Variants in RAPGEF4 observed in about 807,000 individuals in gnomAD.
RAPGEF4 encodes the protein Rap guanine nucleotide exchange factor 4.
A neutral mutation model predicts 147.9 loss-of-function variants in RAPGEF4; 66 were observed. The observed-to-expected ratio is 0.45, with a 90% CI of 0.37 to 0.55. The LOEUF (loss-of-function observed/expected upper bound fraction) is 0.55, where lower values mean the gene tolerates loss of function less well. Ranked by LOEUF, RAPGEF4 falls within the 20% of genes least tolerant of loss-of-function variation. The probability of loss-of-function intolerance (pLI) is 0.00; values close to 1 mark genes in which losing one functional copy is unlikely to be tolerated. For missense variants in RAPGEF4, 1,071 were observed against 1,257.3 expected (o/e 0.85, Z 2.24); for synonymous variants, 419 against 442.7 (o/e 0.95, Z 0.67).
In RAPGEF4 at chr2:173,002,621, C is replaced by CTTT. The variant is rs35905755; in HGVS notation, c.1658+1290_1658+1292dup. Among the ~76,000 whole-genome samples, 520 of 138,932 alleles carry CTTT rather than the reference C, an allele frequency of 3.7e-3. 13 individuals carry two copies. In the East Asian group the frequency reaches 0.064, roughly 17 times the overall value. The allele number at this position is 138,932 out of a possible 152,430, so 91.1% of individuals were successfully genotyped here. On this transcript the variant is annotated intron_variant, in intron 17 of 30. Coordinates refer to ENST00000397081, the MANE Select transcript of RAPGEF4 (RefSeq NM_007023.4). ...AAGGAGAATGACTCTTTTATTCTTT[C>CTTT]TTTTTTTTTTTTTTTAGGAATTCAG...
At chr2:173,034,870 C>G (rs895607744) in intron 27 of RAPGEF4, among the ~76,000 whole-genome samples, 1 of 92,640 alleles carries the variant, frequency 1.1e-5, no homozygotes, top group Non-Finnish European at 2.2e-5. Context: ...GCGACCCCGT[C>G]TCAACACACA....
At chr2:172,737,937 C>A (rs1693959508) in intron 1 of RAPGEF4, among the ~76,000 whole-genome samples, 1 of 152,128 alleles carries the variant, frequency 6.6e-6, no homozygotes, top group African/African-American at 2.4e-5. Flanking sequence ...CTGTGAGTGC[C>A]ATGTAGGCTT....
Position 172,955,212 on chromosome 2 carries a change from T to A in RAPGEF4, c.538-5548T>A, listed in dbSNP as rs139848570. ...TCGTGAGGCCTATTACAGTGCCTTA[T>A]ACCTCATTATAATCTACTGGGGAGT... On this transcript the variant is annotated intron_variant, in intron 6 of 30. Transcript: ENST00000397081. Among the ~76,000 whole-genome samples the A allele has an allele frequency of 1.3e-3, 195 of 152,360 alleles. 2 individuals carry two copies. The highest frequency in any genetic ancestry group is 0.01 in the Middle Eastern group (3 of 294).
At chr2:172,780,369 G>T (rs1272065815) in intron 1 of RAPGEF4, among the ~76,000 whole-genome samples, 1 of 152,192 alleles carries the variant, frequency 6.6e-6, no homozygotes, top group Non-Finnish European at 1.5e-5. Flanking sequence ...ACAGCAAATT[G>T]TGGGAAGGCA....
chr2:172,986,890 G>T (rs879422580), intron 12 of RAPGEF4, among the ~76,000 whole-genome samples: 11 of 151,986 alleles, frequency 7.2e-5, no homozygotes, highest in Non-Finnish European at 1.6e-4. Flanking sequence ...GTAGAGGCAG[G>T]GTTTCACCTA....
At chr2:172,932,621 C>T (rs1451391399) in intron 6 of RAPGEF4, among the ~76,000 whole-genome samples, 8 of 152,172 alleles carry the variant, frequency 5.3e-5, no homozygotes, top group Non-Finnish European at 8.8e-5. Context: ...CCAGGCCAGA[C>T]GACTTTGTCA....
Position 172,814,415 on chromosome 2 carries a change from C to A in RAPGEF4, c.434C>A (p.Ala145Glu). The change falls in exon 4 of 31, where the codon GCA becomes GAA. Residue 145 changes from alanine (A) to glutamate (E), a missense_variant. Physicochemically the swap from Ala to Glu is moderately radical, Grantham distance 107. Coordinates refer to ENST00000397081, the MANE Select transcript of RAPGEF4 (RefSeq NM_007023.4). ...LLRIEQKDFKALWEKYRQYMA... is the reference protein window; with the variant it reads ...LLRIEQKDFKELWEKYRQYMA... ...CGCATCGAGCAGAAGGACTTCAAGG[C>A]ACTATGGGAGGTGAGCCCTAAGGCT... is the stretch of plus-strand genomic sequence containing the variant. The A allele has an allele frequency of 6.2e-7, 1 of 1,614,110 alleles. No homozygotes were observed. Among genetic ancestry groups the A allele is most frequent in the South Asian group, 1.1e-5 (1 of 91,084 alleles).
chr2:172,906,158 G>A (rs1344591), intron 4 of RAPGEF4, among the ~76,000 whole-genome samples: 78,586 of 152,068 alleles, frequency 0.52, 20,758 homozygotes, highest in East Asian at 0.65. Flanking sequence ...TAAACATTAT[G>A]TCACTCTTCT....
At chr2:173,000,750 C>CTTTTTTTTTTTTTT (rs1164657530) in intron 16 of RAPGEF4, among the ~76,000 whole-genome samples, 1 of 24,242 alleles carries the variant, frequency 4.1e-5, no homozygotes, top group Non-Finnish European at 1.4e-4. Flanking sequence ...TTCTTTCTTT[C>CTTTTTTTTTTTTTT]TTTTTTTTTT....
chr2:172,834,558 A>G (rs1156433035), intron 4 of RAPGEF4, among the ~76,000 whole-genome samples: 2 of 152,234 alleles, frequency 1.3e-5, no homozygotes, highest in East Asian at 3.8e-4. Flanking sequence ...AAATAATCCC[A>G]TTGTAAATAA....
intron 1 of RAPGEF4, among the ~76,000 whole-genome samples, chr2:172,755,833 T>C (rs531061931): frequency 6.8e-4 from 104 of 152,282 alleles, no homozygotes; most frequent in Middle Eastern, 3.4e-3. Context: ...AACTAGGAAA[T>C]TGGCATCAGT....
intron 4 of RAPGEF4, among the ~76,000 whole-genome samples, chr2:172,882,899 G>A (rs75415104): frequency 1.1e-3 from 166 of 152,094 alleles, no homozygotes; most frequent in Non-Finnish European, 2.0e-3. Flanking sequence ...GCTACTTGAA[G>A]CATCAGACTG....
chr2:172,794,372 A>T (rs1401794838), intron 1 of RAPGEF4, among the ~76,000 whole-genome samples: 1 of 151,856 alleles, frequency 6.6e-6, no homozygotes, highest in Non-Finnish European at 1.5e-5. Flanking sequence ...AAAAGAAAAA[A>T]GAAAAAAGCA....
intron 4 of RAPGEF4, among the ~76,000 whole-genome samples, chr2:172,880,607 A>G (rs1027588391): frequency 1.3e-5 from 2 of 152,232 alleles, no homozygotes; most frequent in African/African-American, 2.4e-5. Context: ...GAAGCACGAT[A>G]ATTAAAAACT....
chr2:172,872,624 A>G lies in RAPGEF4; in HGVS notation c.445-45178A>G, dbSNP rs571000415. Among the ~76,000 whole-genome samples, 45 of 151,886 alleles carry G rather than the reference A, an allele frequency of 3.0e-4. No homozygotes were observed. The South Asian group carries it at 9.2e-3, about 31-fold the overall frequency. On this transcript the variant is annotated intron_variant, in intron 4 of 30. Coordinates refer to ENST00000397081, the MANE Select transcript of RAPGEF4 (RefSeq NM_007023.4). ...ATGATGGTGAGTGAGTTCTCACGAG[A>G]TCTGATGGTTTAAAAATATGTGGCA...
chr2:172,852,404 T>G (rs934526778), intron 4 of RAPGEF4, among the ~76,000 whole-genome samples: 3 of 152,198 alleles, frequency 2.0e-5, no homozygotes, highest in Non-Finnish European at 4.4e-5. Context: ...TATATTTAGA[T>G]TTGTTTAACT....
chr2:172,886,581 T>C (rs1697246175), intron 4 of RAPGEF4, among the ~76,000 whole-genome samples: 1 of 152,218 alleles, frequency 6.6e-6, no homozygotes. Flanking sequence ...TTTTATGTGT[T>C]CTTGGGGCAG....
At chr2:173,050,075 C>A (rs1429111018) in intron 30 of RAPGEF4, among the ~76,000 whole-genome samples, 2 of 152,138 alleles carry the variant, frequency 1.3e-5, no homozygotes, top group East Asian at 3.9e-4. Context: ...GTAAATCTTG[C>A]ATTCTTCTAT....
At chr2:172,985,196 A>C (rs1231863143) in intron 11 of RAPGEF4, among the ~76,000 whole-genome samples, 2 of 152,162 alleles carry the variant, frequency 1.3e-5, no homozygotes, top group African/African-American at 2.4e-5. Flanking sequence ...GTCTCTAAGG[A>C]GGTTGCCTGG....
Sources: gnomAD v4.1 joint callset for allele counts (sites outside exome capture counted in the v4.1 genomes callset) on GRCh38, gnomAD v4.1.1 for gene constraint, MANE v1.5 for transcripts, NCBI Gene and HGNC (gene_info 2026-07-23, HGNC 2026-07-21) for gene names.